Variants in THRB observed in about 807,000 individuals in gnomAD.
The protein encoded by THRB is nuclear receptor subfamily 1 group A member 2.
THRB carries 12 observed loss-of-function variants against 47.8 expected under a neutral mutation model. That is an observed-to-expected ratio of 0.25 (90% CI 0.16 to 0.41). The LOEUF is 0.41. Among genes scored for constraint, THRB ranks in the 10% least tolerant of loss-of-function variants. The pLI is 1.00. For synonymous variants in THRB, 218 were observed against 212.2 expected (o/e 1.03, Z -0.24); for missense variants, 348 against 589.2 (o/e 0.59, Z 4.24).
rs79451188 is a variant in THRB, at chr3:24,346,560, T to G, written c.-260-9189A>C. On this transcript the variant is annotated intron_variant, in intron 1 of 10. Coordinates refer to ENST00000646209, the MANE Select transcript of THRB (RefSeq NM_001354712.2). Reference sequence around the variant, plus strand: ...TTTTAAATCCCAGTTAAATGCTGCTTAACTGAGACACTTTTGATATTAGGA... The same window carrying G: ...TTTTAAATCCCAGTTAAATGCTGCTGAACTGAGACACTTTTGATATTAGGA... 1.3e-4 allele frequency among the ~76,000 whole-genome samples: 20 copies of G among 152,122 alleles called. No individual in the cohort carries two copies. In the East Asian group the frequency reaches 2.5e-3, roughly 19 times the overall value.
Position 24,350,054 on chromosome 3 carries a change from T to C in THRB, c.-260-12683A>G, listed in dbSNP as rs191116346. Among the ~76,000 whole-genome samples the C allele has an allele frequency of 5.5e-3, 830 of 152,100 alleles. 1 individual carries two copies. Among genetic ancestry groups the C allele is most frequent in the Non-Finnish European group, 8.6e-3 (586 of 67,936 alleles). ...AAGAAAAAGATAACCCAGTATAAAATGGCCAAAAGACTTGGATATTCTCAC... is the reference window on the plus strand; with the variant it reads ...AAGAAAAAGATAACCCAGTATAAAACGGCCAAAAGACTTGGATATTCTCAC... On this transcript the variant is annotated intron_variant, in intron 1 of 10. Coordinates refer to ENST00000646209, the MANE Select transcript of THRB (RefSeq NM_001354712.2).
intron 1 of THRB, among the ~76,000 whole-genome samples, chr3:24,478,991 A>G (rs1695928225): frequency 6.6e-6 from 1 of 152,190 alleles, no homozygotes; most frequent in African/African-American, 2.4e-5. Flanking sequence ...TAGAAGCCAG[A>G]GATGCTGCTA....
intron 2 of THRB, among the ~76,000 whole-genome samples, chr3:24,321,623 G>A (rs1464121770): frequency 6.6e-6 from 1 of 151,752 alleles, no homozygotes; most frequent in Admixed American, 6.6e-5. Context: ...GGGATTGTAT[G>A]CTAATATAAT....
At chr3:24,256,934 C>T (rs73148312) in intron 3 of THRB, among the ~76,000 whole-genome samples, 1 of 152,126 alleles carries the variant, frequency 6.6e-6, no homozygotes, top group African/African-American at 2.4e-5. Flanking sequence ...CATCTGAATT[C>T]ATAGTAGCAC....
At position 24,133,482 on chromosome 3, in the gene THRB, A is replaced by C. The variant is rs2034174867; in HGVS notation, c.739-20T>G. The C allele has an allele frequency of 6.2e-7, 1 of 1,612,956 alleles. No individual in the cohort carries two copies. The highest frequency in any genetic ancestry group is 1.1e-5 in the South Asian group (1 of 91,046). ...TTCTGGCTAAGGAGGAGAAAAAAGA[A>C]AGATTTAAATGAAGAAGTTGAAGGG... On this transcript the variant is annotated intron_variant, in intron 8 of 10. Transcript: ENST00000646209.
chr3:24,372,029 G>T (rs571686004), intron 1 of THRB, among the ~76,000 whole-genome samples: 11 of 152,158 alleles, frequency 7.2e-5, no homozygotes, highest in African/African-American at 2.6e-4. Flanking sequence ...ACTTCCAGTG[G>T]CATCTGTTTT....
intron 1 of THRB, among the ~76,000 whole-genome samples, chr3:24,391,900 T>C (rs997358658): frequency 1.8e-4 from 27 of 152,150 alleles, no homozygotes; most frequent in African/African-American, 6.3e-4. Flanking sequence ...ATGGTTCACA[T>C]CTTAGAGATG....
At chr3:24,363,449 A>T (rs1477005012) in intron 1 of THRB, among the ~76,000 whole-genome samples, 1 of 152,134 alleles carries the variant, frequency 6.6e-6, no homozygotes, top group Non-Finnish European at 1.5e-5. Flanking sequence ...GCCTCAGGGG[A>T]ACTTGGTAAA....
intron 2 of THRB, among the ~76,000 whole-genome samples, chr3:24,303,971 G>C (rs1449722325): frequency 6.6e-6 from 1 of 152,068 alleles, no homozygotes; most frequent in Admixed American, 6.5e-5. Context: ...TTTCTTTTGA[G>C]ATGGCTTTGG....
intron 3 of THRB, among the ~76,000 whole-genome samples, chr3:24,262,568 G>A (rs1281600770): frequency 1.3e-5 from 2 of 152,064 alleles, no homozygotes; most frequent in South Asian, 2.1e-4. Flanking sequence ...ACATATCAAG[G>A]GTTGCTCTCA....
At chr3:24,460,297 G>T (rs539567493) in intron 1 of THRB, among the ~76,000 whole-genome samples, 1 of 151,958 alleles carries the variant, frequency 6.6e-6, no homozygotes, top group African/African-American at 2.4e-5. Context: ...TGAATCTATG[G>T]GTTTAAATTA....
intron 4 of THRB, among the ~76,000 whole-genome samples, chr3:24,227,949 G>A (rs989821155): frequency 4.6e-5 from 7 of 152,118 alleles, no homozygotes; most frequent in South Asian, 4.1e-4. Context: ...GACATATTTC[G>A]ACTGAGCCAT....
intron 3 of THRB, among the ~76,000 whole-genome samples, chr3:24,238,800 G>C (rs2049182796): frequency 6.6e-6 from 1 of 152,090 alleles, no homozygotes; most frequent in African/African-American, 2.4e-5. Context: ...TTCCCTTGAA[G>C]ATGAAAATAA....
rs78937204 is a variant in THRB, at chr3:24,332,234, G to T, written c.-189+5066C>A. Among the ~76,000 whole-genome samples the T allele has an allele frequency of 2.0e-5, 3 of 152,240 alleles. No homozygotes were observed. The South Asian group carries it at 6.2e-4, about 32-fold the overall frequency. ...TGTTGTCTAGAATTTATACATGAAG[G>T]CTAGCACCCCAGCAGTTACCTTGAA... On this transcript the variant is annotated intron_variant, in intron 2 of 10. Transcript: ENST00000646209.
chr3:24,476,079 C>T (rs950416461), intron 1 of THRB, among the ~76,000 whole-genome samples: 2 of 152,212 alleles, frequency 1.3e-5, no homozygotes, highest in African/African-American at 2.4e-5. Context: ...CTTTCAGAGA[C>T]AACTCATTGT....
intron 1 of THRB, among the ~76,000 whole-genome samples, chr3:24,351,513 A>G (rs1289173645): frequency 6.6e-6 from 1 of 152,126 alleles, no homozygotes; most frequent in African/African-American, 2.4e-5. Context: ...AGTGGTATGC[A>G]TTTTGTTAAT....
intron 1 of THRB, among the ~76,000 whole-genome samples, chr3:24,355,608 G>T (rs2063624260): frequency 6.6e-6 from 1 of 152,154 alleles, no homozygotes; most frequent in South Asian, 2.1e-4. Flanking sequence ...ACAGTAAGGT[G>T]GCTGACAGAG....
chr3:24,485,912 G>T (rs76803071), intron 1 of THRB, among the ~76,000 whole-genome samples: 3,346 of 152,224 alleles, frequency 0.022, 70 homozygotes, highest in East Asian at 0.08. Flanking sequence ...TGTGACTCAA[G>T]CACTATATTA....
chr3:24,416,663 C>T (rs1361945669), intron 1 of THRB, among the ~76,000 whole-genome samples: 1 of 151,892 alleles, frequency 6.6e-6, no homozygotes, highest in Non-Finnish European at 1.5e-5. Flanking sequence ...TAACCTCGTT[C>T]TATCCCTGAA....
Sources: gnomAD v4.1 joint callset for allele counts (sites outside exome capture counted in the v4.1 genomes callset) on GRCh38, gnomAD v4.1.1 for gene constraint, MANE v1.5 for transcripts, NCBI Gene and HGNC (gene_info 2026-07-23, HGNC 2026-07-21) for gene names.